CLASRP: variants seen among roughly 807,000 people sequenced by gnomAD.
CLASRP encodes CLK4-associating serine/arginine rich protein.
In CLASRP, 52 loss-of-function variants were observed where a neutral mutation model predicts 99.9. That is an observed-to-expected ratio of 0.52 (90% CI 0.42 to 0.66). The LOEUF (loss-of-function observed/expected upper bound fraction) is 0.66. CLASRP is among the 30% of genes least tolerant of loss of function. CLASRP has a pLI of 0.00. For synonymous variants in CLASRP, 379 were observed against 373.0 expected, an observed-to-expected ratio of 1.02 and a Z score of -0.18; for missense variants, 848 against 999.2, an observed-to-expected ratio of 0.85 and a Z score of 2.04.
chr19:45,048,055 A>G (rs1971954177), intron 2 of CLASRP, among the ~76,000 whole-genome samples: 2 of 151,930 alleles, frequency 1.3e-5, no homozygotes, highest in African/African-American at 4.8e-5. Flanking sequence ...AGCCTGGGCA[A>G]CAAGAGTGAA....
chr19:45,064,897 C>T (rs1224913415), intron 13 of CLASRP, among the ~76,000 whole-genome samples: 1 of 152,278 alleles, frequency 6.6e-6, no homozygotes, highest in South Asian at 2.1e-4. Context: ...GACTGTGCAT[C>T]TCTCTCTCCT....
Position 45,067,888 on chromosome 19 carries a change from G to T in CLASRP, c.1668-127G>T. 1.3e-6 allele frequency: 1 copy of T among 756,074 alleles called. No homozygotes were observed. The highest frequency in any genetic ancestry group is 2.4e-6 in the Non-Finnish European group (1 of 424,010). The allele number at this position is 756,074 out of a possible 1,614,324, so 46.8% of individuals were successfully genotyped here. The stretch of plus-strand genomic sequence containing the variant: ...TGTGGGGTCTGAGAGGGACATGGTT[G>T]CACCCTGGGGCATCTGAGGCCCATG... On this transcript the variant is annotated intron_variant, in intron 14 of 20. Transcript: ENST00000221455. The surrounding 1 kb of genome is among the most constrained non-coding windows in gnomAD (Gnocchi z 4.9).
At chr19:45,048,857 G>C (rs1387030473) in intron 2 of CLASRP, among the ~76,000 whole-genome samples, 1 of 151,228 alleles carries the variant, frequency 6.6e-6, no homozygotes, top group Non-Finnish European at 1.5e-5. Flanking sequence ...GTGGTGGCGG[G>C]CACCTGTAAT....
At chr19:45,050,140 T>A (rs1971995163) in intron 2 of CLASRP, among the ~76,000 whole-genome samples, 1 of 126,396 alleles carries the variant, frequency 7.9e-6, no homozygotes, top group African/African-American at 3.1e-5. Context: ...TGGAGCAGAG[T>A]AGGGGAGGGA....
chr19:45,064,485 T>TGGTCCCGCTCCC lies in CLASRP; in HGVS notation c.1266_1277dup (p.Ser427_Arg430dup), dbSNP rs1568420643. On this transcript the variant is annotated inframe_insertion, in exon 13 of 21. Transcript: ENST00000221455. ...CCACGCCCGCTCCCGGTCCCGCTCC[T>TGGTCCCGCTCCC]GGTCCCGCTCCCGCTCCCGCTCCCG... is the stretch of plus-strand genomic sequence containing the variant. 1 of 1,517,716 alleles carries TGGTCCCGCTCCC rather than the reference T, an allele frequency of 6.6e-7. No homozygotes were observed. Among genetic ancestry groups the TGGTCCCGCTCCC allele is most frequent in the Admixed American group, 2.0e-5 (1 of 50,404 alleles). The allele number at this position is 1,517,716 out of a possible 1,614,324, so 94.0% of individuals were successfully genotyped here. A position where few individuals can be genotyped will look rare whatever the true frequency, so the allele number is the denominator to read the frequency against.
Position 45,068,556 on chromosome 19 carries a change from C to T in CLASRP, c.1768+76C>T, listed in dbSNP as rs529881454. On this transcript the variant is annotated intron_variant, in intron 16 of 20. Transcript: ENST00000221455. ...CAGTGGGAGCAAGGAGACTCAGCACCACTTTGGGAGGCCTGGCCCTTCCCT... is the reference window on the plus strand; with the variant it reads ...CAGTGGGAGCAAGGAGACTCAGCACTACTTTGGGAGGCCTGGCCCTTCCCT... 3 of 1,148,706 alleles carry T rather than the reference C, an allele frequency of 2.6e-6. No individual in the cohort carries two copies. The South Asian group carries it at 3.7e-5, about 14-fold the overall frequency. 71.2% of individuals were successfully genotyped at this position (1,148,706 alleles called of 1,614,324 possible).
chr19:45,070,401 C>T (rs1284787166), intron 19 of CLASRP, 136 bp from the exon 20 acceptor site: 1 of 806,388 alleles, frequency 1.2e-6, no homozygotes, highest in Non-Finnish European at 2.2e-6. Flanking sequence ...CAGATGGCAG[C>T]CACTGGACTC....
chr19:45,070,584 A>C (rs761794940), intron 20 of CLASRP, 23 bp downstream of exon 20: 2 of 1,607,820 alleles, frequency 1.2e-6, no homozygotes, highest in African/African-American at 2.7e-5. Context: ...ATGACCCTCC[A>C]CTTTCTTGGA....
intron 2 of CLASRP, among the ~76,000 whole-genome samples, chr19:45,045,069 G>A (rs1971889963): frequency 6.6e-6 from 1 of 152,150 alleles, no homozygotes; most frequent in African/African-American, 2.4e-5. Context: ...GTTAGCTCGG[G>A]GACCTAAGCC....
Position 45,070,033 on chromosome 19 carries a change from G to A in CLASRP, c.1886G>A (p.Arg629His), listed in dbSNP as rs1967199219. ...CCATGCCTTCGCAGGGAGCGGGAAC[G>A]CCGAGAGAAGGAGAGAGAAGAGTGG... The part of the protein sequence containing the change: ...ARKIRMKERE[R>H]REKEREEWER... Residue 629 changes from arginine (R) to histidine (H), a missense_variant, in exon 19 of 21, where the codon CGC becomes CAC. Physicochemically the swap from Arg to His is conservative, Grantham distance 29. Transcript: ENST00000221455. The A allele has an allele frequency of 4.4e-6, 7 of 1,601,712 alleles. No individual in the cohort carries two copies. The highest frequency in any genetic ancestry group is 5.1e-6 in the Non-Finnish European group (6 of 1,168,922).
At chr19:45,042,995 C>T (rs554121830) in intron 2 of CLASRP, among the ~76,000 whole-genome samples, 1 of 152,262 alleles carries the variant, frequency 6.6e-6, no homozygotes, top group South Asian at 2.1e-4. Flanking sequence ...AAGTACTTTA[C>T]ACAAACTTTG....
intron 2 of CLASRP, among the ~76,000 whole-genome samples, chr19:45,048,307 C>T (rs1265590047): frequency 6.7e-6 from 1 of 149,298 alleles, no homozygotes; most frequent in Non-Finnish European, 1.5e-5. Flanking sequence ...GAGGCCGAGG[C>T]GGGTGGATCA....
intron 6 of CLASRP, among the ~76,000 whole-genome samples, chr19:45,057,371 A>G (rs1381179851): frequency 6.6e-6 from 1 of 152,164 alleles, no homozygotes; most frequent in African/African-American, 2.4e-5. Flanking sequence ...GATCCTGCTC[A>G]GGCCCTGCTC....
At chr19:45,062,526 C>T (rs988472003) in intron 11 of CLASRP, among the ~76,000 whole-genome samples, 7 of 152,138 alleles carry the variant, frequency 4.6e-5, no homozygotes, top group South Asian at 2.1e-4. Context: ...TACAGGTGCC[C>T]GCCACCAGGC....
chr19:45,044,849 T>C (rs1377489646), intron 2 of CLASRP, among the ~76,000 whole-genome samples: 2 of 152,140 alleles, frequency 1.3e-5, no homozygotes, highest in African/African-American at 4.8e-5. Flanking sequence ...TTGGGAGTCA[T>C]GGGGCTCTGG....
rs769704567 is a variant in CLASRP at position 45,064,240 on chromosome 19, C to T, written c.1121+13C>T. 3.6e-5 allele frequency: 57 copies of T among 1,572,066 alleles called. No homozygotes were observed. Among genetic ancestry groups the T allele is most frequent in the Non-Finnish European group, 4.6e-5 (53 of 1,161,126 alleles). On this transcript the variant is annotated intron_variant, in intron 12 of 20. Transcript: ENST00000221455. The stretch of plus-strand genomic sequence containing the variant: ...ATGCCAGCGCCCGGTCGGTAACGCT[C>T]ACGCCGCCCGCCCTACGCCCCGGTC...
intron 3 of CLASRP, 23 bp downstream of exon 3, chr19:45,052,191 G>T: frequency 6.2e-7 from 1 of 1,604,538 alleles, no homozygotes. Context: ...TGGAAGGCAG[G>T]GGAGTGTCTG....
intron 2 of CLASRP, among the ~76,000 whole-genome samples, chr19:45,042,396 G>A (rs1285211619): frequency 6.6e-6 from 1 of 151,930 alleles, no homozygotes; most frequent in Non-Finnish European, 1.5e-5. Context: ...GGAGTAAATG[G>A]TAATCCCAGC....
chr19:45,049,984 G>A (rs1429375070), intron 2 of CLASRP, among the ~76,000 whole-genome samples: 6 of 152,098 alleles, frequency 3.9e-5, no homozygotes, highest in African/African-American at 1.4e-4. Context: ...TAGATAAGTG[G>A]GGAGCTATTT....
Sources: gnomAD v4.1 joint callset for allele counts (sites outside exome capture counted in the v4.1 genomes callset) on GRCh38, gnomAD v4.1.1 for gene constraint, Gnocchi (gnomAD v3.1) non-coding constraint, MANE v1.5 for transcripts, NCBI Gene and HGNC (gene_info 2026-07-23, HGNC 2026-07-21) for gene names.